GRAP2: variants seen among roughly 807,000 people sequenced by gnomAD.
GRAP2 encodes GRB2 related adaptor protein 2.
A neutral mutation model predicts 43.5 loss-of-function variants in GRAP2; 31 were observed. The observed-to-expected ratio is 0.71, with a 90% CI of 0.54 to 0.96. GRAP2 has a LOEUF of 0.96. Ranked by LOEUF, GRAP2 falls within the 40% of genes least tolerant of loss-of-function variation. GRAP2 has a pLI of 0.00. For missense variants in GRAP2, 371 were observed against 424.4 expected, an observed-to-expected ratio of 0.87 and a Z score of 1.11; for synonymous variants, 156 against 164.8, an observed-to-expected ratio of 0.95 and a Z score of 0.41.
intron 1 of GRAP2, among the ~76,000 whole-genome samples, chr22:39,941,720 T>C (rs1225249719): frequency 6.6e-6 from 1 of 152,196 alleles, no homozygotes; most frequent in Non-Finnish European, 1.5e-5. Flanking sequence ...CCTTCCTGGC[T>C]ACAAAAACAC....
chr22:39,955,588 C>A (rs73165011), intron 2 of GRAP2, among the ~76,000 whole-genome samples: 1 of 152,100 alleles, frequency 6.6e-6, no homozygotes, highest in African/African-American at 2.4e-5. Flanking sequence ...CATGAGTGGA[C>A]GGCACAAGTG....
chr22:39,903,499 A>G (rs554350720), intron 1 of GRAP2, among the ~76,000 whole-genome samples: 121 of 129,010 alleles, frequency 9.4e-4, no homozygotes, highest in African/African-American at 3.3e-3. Flanking sequence ...TTTTTTTGAG[A>G]CAGGGTCTCA....
At chr22:39,958,528 G>A (rs1159085621) in intron 3 of GRAP2, among the ~76,000 whole-genome samples, 2 of 151,774 alleles carry the variant, frequency 1.3e-5, no homozygotes, top group African/African-American at 4.9e-5. Flanking sequence ...CACAGTACTA[G>A]ATGTTCAGTA....
intron 3 of GRAP2, 96 bp downstream of exon 3, chr22:39,956,006 T>C (rs1464536746): frequency 4.2e-6 from 3 of 715,684 alleles, no homozygotes; most frequent in Non-Finnish European, 7.7e-6. Flanking sequence ...CCCAAGACAT[T>C]GTCAAAAATG....
chr22:39,926,535 C>G, intron 1 of GRAP2: 1 of 857,910 alleles, frequency 1.2e-6, no homozygotes, highest in Non-Finnish European at 1.4e-6. Flanking sequence ...ACAAAAGAAC[C>G]TTGAGCATAA....
intron 3 of GRAP2, 80 bp downstream of exon 3, chr22:39,955,990 T>A: frequency 1.3e-6 from 1 of 773,462 alleles, no homozygotes; most frequent in Non-Finnish European, 2.3e-6. Flanking sequence ...CAGTTATCCA[T>A]GGGAACCCAA....
chr22:39,898,898 A>T (rs1285710877), upstream of GRAP2, among the ~76,000 whole-genome samples: 1 of 152,248 alleles, frequency 6.6e-6, no homozygotes, highest in Non-Finnish European at 1.5e-5. Context: ...GATTAAAAAA[A>T]TTTTAAACAA....
At chr22:39,950,049 A>G (rs1431328013) in intron 2 of GRAP2, among the ~76,000 whole-genome samples, 4 of 152,192 alleles carry the variant, frequency 2.6e-5, no homozygotes, top group Non-Finnish European at 1.5e-5. Flanking sequence ...ACATGTGTGC[A>G]CACACCCACA....
At chr22:39,924,130 T>C (rs2066677482) in intron 1 of GRAP2, among the ~76,000 whole-genome samples, 1 of 152,230 alleles carries the variant, frequency 6.6e-6, no homozygotes, top group Admixed American at 6.5e-5. Flanking sequence ...GCAGAGTGAT[T>C]ATTCCTCCTG....
chr22:39,971,967 A>G lies in GRAP2; in HGVS notation c.*883A>G, dbSNP rs1204723549. On this transcript the variant is annotated 3_prime_UTR_variant, in exon 8 of 8. Transcript: ENST00000344138. ...AGGGTATGTCTTCAGGGCTCTGTTC[A>G]TTTTCCCTCTTGATTTTCTCTTTTG... 1 of 152,164 alleles carries G rather than the reference A, an allele frequency of 6.6e-6. No individual in the cohort carries two copies. Among genetic ancestry groups the G allele is most frequent in the African/African-American group, 2.4e-5 (1 of 41,426 alleles). 9.4% of individuals were successfully genotyped at this position (152,164 alleles called of 1,614,324 possible).
intron 1 of GRAP2, among the ~76,000 whole-genome samples, chr22:39,935,309 T>C (rs914733584): frequency 6.6e-6 from 1 of 152,152 alleles, no homozygotes; most frequent in Admixed American, 6.5e-5. Flanking sequence ...CTCACTCCAA[T>C]CCCAGCCGTC....
chr22:39,959,919 C>T, intron 3 of GRAP2, 136 bp from the exon 4 acceptor site: 6 of 734,488 alleles, frequency 8.2e-6, no homozygotes, highest in South Asian at 1.8e-5. Flanking sequence ...TGATTTCAAA[C>T]AGCACCTGGT....
At position 39,901,153 on chromosome 22, in the gene GRAP2, T is replaced by C; in HGVS notation, c.-192T>C. The C allele has an allele frequency of 2.1e-6, 1 of 485,988 alleles. No homozygotes were observed. Among genetic ancestry groups the C allele is most frequent in the South Asian group, 1.6e-5 (1 of 62,486 alleles). The allele number at this position is 485,988 out of a possible 1,614,324, so 30.1% of individuals were successfully genotyped here. On this transcript the variant is annotated 5_prime_UTR_variant, in exon 1 of 8. An upstream start codon of the reference 5' UTR is lost. Coordinates refer to ENST00000344138, the MANE Select transcript of GRAP2 (RefSeq NM_004810.4). ...GGTGGGGAGGAGGAGGCACAGTTAATGGATCTGTAAACTTGCACCCTCTTT... is the reference window on the plus strand; with the variant it reads ...GGTGGGGAGGAGGAGGCACAGTTAACGGATCTGTAAACTTGCACCCTCTTT...
intron 1 of GRAP2, among the ~76,000 whole-genome samples, chr22:39,944,970 G>A (rs539038667): frequency 1.4e-4 from 22 of 152,328 alleles, no homozygotes; most frequent in African/African-American, 5.1e-4. Flanking sequence ...ACTGTCTACT[G>A]TTGATACCAT....
chr22:39,895,280 C>T, the GRAP2 span, among the ~76,000 whole-genome samples: 2 of 152,186 alleles, frequency 1.3e-5, no homozygotes, highest in Non-Finnish European at 2.9e-5. Context: ...TTGTTTCTAT[C>T]TCCTACTACT....
intron 1 of GRAP2, among the ~76,000 whole-genome samples, chr22:39,932,768 G>A (rs998874920): frequency 2.4e-4 from 37 of 151,730 alleles, no homozygotes; most frequent in African/African-American, 8.5e-4. Flanking sequence ...ATTATTGAGT[G>A]CCTACTATGT....
chr22:39,926,028 T>C (rs1338550357), intron 1 of GRAP2, among the ~76,000 whole-genome samples: 3 of 152,224 alleles, frequency 2.0e-5, no homozygotes, highest in Non-Finnish European at 2.9e-5. Context: ...GCCTCCATGA[T>C]GTCTTGCAAT....
chr22:39,924,885 GAAC>G (rs1182717554), intron 1 of GRAP2, among the ~76,000 whole-genome samples: 3 of 152,198 alleles, frequency 2.0e-5, no homozygotes, highest in African/African-American at 7.2e-5. Flanking sequence ...AGTCACCAAT[GAAC>G]AACATAGTAA....
In GRAP2 at chr22:39,971,342, G is replaced by C; in HGVS notation, c.*258G>C. ...TGTGTGGAAGGCAGTGGGGGAGTTG[G>C]GAGGGGGGCAGGGAAATGAAATGGA... On this transcript the variant is annotated 3_prime_UTR_variant, in exon 8 of 8. Coordinates refer to ENST00000344138, the MANE Select transcript of GRAP2 (RefSeq NM_004810.4). The C allele has an allele frequency of 2.1e-6, 1 of 467,106 alleles. No individual in the cohort carries two copies. The highest frequency in any genetic ancestry group is 3.4e-5 in the South Asian group (1 of 29,118). The allele number at this position is 467,106 out of a possible 1,614,324, so 28.9% of individuals were successfully genotyped here. A position where few individuals can be genotyped will look rare whatever the true frequency, so the allele number is the denominator to read the frequency against.
Sources: gnomAD v4.1 joint callset for allele counts (sites outside exome capture counted in the v4.1 genomes callset) on GRCh38, gnomAD v4.1.1 for gene constraint, MANE v1.5 for transcripts, NCBI Gene and HGNC (gene_info 2026-07-23, HGNC 2026-07-21) for gene names.